Variants in AP3B1 observed in about 807,000 individuals in gnomAD.
The protein encoded by AP3B1 is adaptor related protein complex 3 subunit beta 1.
Under a neutral mutation model 132.5 loss-of-function variants are expected in AP3B1, and 61 were observed. That is an observed-to-expected ratio of 0.46 (90% CI 0.37 to 0.57). AP3B1 has a LOEUF of 0.57. Ranked by LOEUF, AP3B1 falls within the 20% of genes least tolerant of loss-of-function variation. The pLI is 0.00. For synonymous variants in AP3B1, 388 were observed against 438.3 expected (o/e 0.89, Z 1.43); for missense variants, 1,120 against 1,289.4 (o/e 0.87, Z 2.01).
chr5:78,217,517 T>C (rs1402769062), intron 6 of AP3B1, among the ~76,000 whole-genome samples: 2 of 152,050 alleles, frequency 1.3e-5, no homozygotes, highest in African/African-American at 2.4e-5. Flanking sequence ...ATATATATAA[T>C]TTTCTATTTG....
intron 7 of AP3B1, among the ~76,000 whole-genome samples, chr5:78,195,545 C>T (rs753218404): frequency 5.3e-5 from 8 of 152,270 alleles, no homozygotes; most frequent in Admixed American, 3.3e-4. Context: ...ACAGGCCAGG[C>T]GCAGCGGCTC....
chr5:78,264,885 C>T (rs1438158588), intron 2 of AP3B1, among the ~76,000 whole-genome samples: 3 of 152,170 alleles, frequency 2.0e-5, no homozygotes, highest in Non-Finnish European at 4.4e-5. Context: ...AAATTTCTTT[C>T]CATGGTTTCT....
At chr5:78,103,959 TA>T (rs1215816482) in intron 20 of AP3B1, among the ~76,000 whole-genome samples, 3 of 151,808 alleles carry the variant, frequency 2.0e-5, no homozygotes, top group Admixed American at 6.6e-5. Context: ...TCATGCTGAT[TA>T]AAAAAAAGGC....
intron 11 of AP3B1, among the ~76,000 whole-genome samples, chr5:78,171,346 C>A (rs145104238): frequency 1.9e-3 from 289 of 152,220 alleles, no homozygotes; most frequent in African/African-American, 6.8e-3. Context: ...TACCACTATA[C>A]TAATTCTTCC....
intron 17 of AP3B1, among the ~76,000 whole-genome samples, chr5:78,122,634 T>C (rs1196326577): frequency 1.3e-5 from 2 of 152,060 alleles, no homozygotes; most frequent in African/African-American, 4.8e-5. Context: ...GAATCCAACT[T>C]ACAAGGGATG....
intron 2 of AP3B1, among the ~76,000 whole-genome samples, chr5:78,242,355 C>T (rs1747171817): frequency 6.6e-6 from 1 of 152,148 alleles, no homozygotes; most frequent in South Asian, 2.1e-4. Context: ...TTCTCCCTTG[C>T]TACAGCCATC....
intron 2 of AP3B1, among the ~76,000 whole-genome samples, chr5:78,249,868 C>T (rs1747556466): frequency 6.6e-6 from 1 of 152,108 alleles, no homozygotes; most frequent in Non-Finnish European, 1.5e-5. Context: ...CATGAGCCAC[C>T]GTGTCCGGCC....
At chr5:78,210,762 C>T (rs1309548720) in intron 7 of AP3B1, among the ~76,000 whole-genome samples, 1 of 152,140 alleles carries the variant, frequency 6.6e-6, no homozygotes, top group Admixed American at 6.6e-5. Context: ...TTTCAGTTTA[C>T]AATTGATGCC....
At chr5:78,187,092 C>T (rs1403510675) in intron 7 of AP3B1, among the ~76,000 whole-genome samples, 1 of 152,092 alleles carries the variant, frequency 6.6e-6, no homozygotes, top group Admixed American at 6.5e-5. Context: ...GAATTCAAAA[C>T]AAACACACTA....
chr5:78,179,758 C>G (rs1177403096), intron 8 of AP3B1, among the ~76,000 whole-genome samples: 2 of 152,070 alleles, frequency 1.3e-5, no homozygotes, highest in Non-Finnish European at 2.9e-5. Context: ...TTCTCAAAGT[C>G]TCTCCATAAA....
At chr5:78,014,142 G>A (rs1242090460) in intron 26 of AP3B1, among the ~76,000 whole-genome samples, 3 of 151,756 alleles carry the variant, frequency 2.0e-5, no homozygotes, top group East Asian at 3.9e-4. Context: ...CAGCCTGGGT[G>A]ACAGAGTAAG....
chr5:78,195,527 G>A (rs566924062), intron 7 of AP3B1, among the ~76,000 whole-genome samples: 12 of 152,182 alleles, frequency 7.9e-5, no homozygotes, highest in African/African-American at 2.9e-4. Flanking sequence ...TGGAACAAAC[G>A]AAGAGTCACA....
intron 6 of AP3B1, among the ~76,000 whole-genome samples, chr5:78,220,137 T>G (rs960676668): frequency 6.6e-6 from 1 of 151,988 alleles, no homozygotes; most frequent in Non-Finnish European, 1.5e-5. Flanking sequence ...CAAAAAAAGG[T>G]AATAATTAAG....
At chr5:78,067,918 A>G (rs1216252902) in intron 22 of AP3B1, among the ~76,000 whole-genome samples, 3 of 151,938 alleles carry the variant, frequency 2.0e-5, no homozygotes, top group African/African-American at 7.3e-5. Context: ...AGATCAGAGC[A>G]GAATTGAAGG....
intron 15 of AP3B1, among the ~76,000 whole-genome samples, chr5:78,138,257 T>C (rs572500075): frequency 8.6e-5 from 13 of 151,662 alleles, no homozygotes; most frequent in South Asian, 6.2e-4. Flanking sequence ...CTTGAGGTCA[T>C]GAGTTCAAGA....
rs1246307585 is a variant in AP3B1, at chr5:78,015,403, AACCT to A, written c.3131+3_3131+6del. The stretch of plus-strand genomic sequence containing the variant: ...TTCACCTCCACATCGTGTGTTAGTG[AACCT>A]ACCTGTGTATATTATCCTGGCCAGA... On this transcript the variant is annotated splice_donor_5th_base_variant and intron_variant, in intron 26 of 26. Transcript: ENST00000255194. 1 of 1,613,656 alleles carries A rather than the reference AACCT, an allele frequency of 6.2e-7. No individual in the cohort carries two copies. The highest frequency in any genetic ancestry group is 1.1e-5 in the South Asian group (1 of 91,070).
chr5:78,114,029 T>C (rs982880678), intron 18 of AP3B1, 106 bp from the exon 19 acceptor site: 5 of 1,266,644 alleles, frequency 3.9e-6, no homozygotes, highest in Non-Finnish European at 5.5e-6. Flanking sequence ...TGTTGAATTT[T>C]AGTTCAGTGG....
chr5:78,174,894 C>A (rs531666088), intron 11 of AP3B1, among the ~76,000 whole-genome samples: 1 of 152,376 alleles, frequency 6.6e-6, no homozygotes, highest in Non-Finnish European at 1.5e-5. Flanking sequence ...AGCTTCCCAG[C>A]CGCTTTGTTT....
chr5:78,258,669 T>A (rs1293358117), intron 2 of AP3B1, among the ~76,000 whole-genome samples: 2 of 152,206 alleles, frequency 1.3e-5, no homozygotes, highest in Non-Finnish European at 2.9e-5. Flanking sequence ...AGCTACCACA[T>A]GACCCAGCAA....
Sources: allele counts gnomAD v4.1 joint callset (sites outside exome capture counted in the v4.1 genomes callset), GRCh38; gene constraint gnomAD v4.1.1; transcripts MANE v1.5; gene names NCBI Gene and HGNC (gene_info 2026-07-23, HGNC 2026-07-21).